ERO1A: variants seen among roughly 807,000 people sequenced by gnomAD.
ERO1A encodes the protein endoplasmic reticulum oxidoreductase 1 alpha, also known as ERO1-like protein alpha.
In ERO1A, 49 loss-of-function variants were observed where a neutral mutation model predicts 76.9. The observed-to-expected ratio is 0.64, with a 90% CI of 0.51 to 0.81. The LOEUF (loss-of-function observed/expected upper bound fraction) is 0.81. Ranked by LOEUF, ERO1A falls within the 30% of genes least tolerant of loss-of-function variation. The probability of loss-of-function intolerance (pLI) is 0.00; values close to 1 mark genes in which losing one functional copy is unlikely to be tolerated. For synonymous variants in ERO1A, 174 were observed against 181.2 expected (o/e 0.96, Z 0.32); for missense variants, 448 against 542.1 (o/e 0.83, Z 1.72).
intron 4 of ERO1A, among the ~76,000 whole-genome samples, chr14:52,675,235 T>C (rs1221961266): frequency 6.6e-6 from 1 of 151,910 alleles, no homozygotes; most frequent in Non-Finnish European, 1.5e-5. Context: ...AATACAAAAT[T>C]AGCTGGGCAT....
intron 4 of ERO1A, among the ~76,000 whole-genome samples, chr14:52,676,873 C>CT (rs1280006803): frequency 1.7e-5 from 2 of 114,550 alleles, no homozygotes; most frequent in Non-Finnish European, 3.9e-5. Context: ...CCCTATCTAC[C>CT]CCAAAAAAAA....
intron 1 of ERO1A, among the ~76,000 whole-genome samples, chr14:52,689,217 G>C (rs192306819): frequency 3.3e-5 from 5 of 152,310 alleles, no homozygotes; most frequent in Admixed American, 2.6e-4. Flanking sequence ...GCCTCCCAGA[G>C]TGCTGGGATT....
chr14:52,664,307 A>G (rs2040330351), intron 7 of ERO1A: 1 of 152,228 alleles, frequency 6.6e-6, no homozygotes, highest in Non-Finnish European at 1.5e-5. Context: ...ATCTTTAGAC[A>G]CATCAATTTG....
Position 52,658,100 on chromosome 14 carries a change from ATTTAT to A in ERO1A, c.715+19_715+23del, listed in dbSNP as rs773447036. On this transcript the variant is annotated intron_variant, in intron 10 of 15. Coordinates refer to ENST00000395686, the MANE Select transcript of ERO1A (RefSeq NM_014584.3). ...TCATGAGAAAAAAACCATCATTGAA[ATTTAT>A]TTTAAAGTTTCTAATTACCTTCTAG... is the stretch of plus-strand genomic sequence containing the variant. 9 of 1,505,684 alleles carry A rather than the reference ATTTAT, an allele frequency of 6.0e-6. No homozygotes were observed. Among genetic ancestry groups the A allele is most frequent in the Non-Finnish European group, 8.2e-6 (9 of 1,094,916 alleles). 93.3% of individuals were successfully genotyped at this position (1,505,684 alleles called of 1,614,324 possible).
In ERO1A at chr14:52,646,264, C is replaced by A; in HGVS notation, c.1236G>T (p.Leu412=). ...TCAATTTCTCAGAAAATAAGATCTT[C>A]AGAGCAGTGCCCAAACCCTGAGTCT... The part of the protein sequence containing the change: ...KLQTQGLGTA[L]KILFSEKLIA... The change falls in exon 15 of 16, where the codon CTG becomes CTT. Residue 412 remains leucine (L), a synonymous_variant. Transcript: ENST00000395686. The A allele has an allele frequency of 6.2e-7, 1 of 1,613,028 alleles. No individual in the cohort carries two copies. The highest frequency in any genetic ancestry group is 8.5e-7 in the Non-Finnish European group (1 of 1,179,738).
At chr14:52,671,397 C>T (rs2040591876) in intron 6 of ERO1A, among the ~76,000 whole-genome samples, 1 of 151,956 alleles carries the variant, frequency 6.6e-6, no homozygotes, top group Middle Eastern at 3.2e-3. Flanking sequence ...TTTTGAAGAA[C>T]CGCCAAACCG....
chr14:52,672,797 A>AAAAAAAAC (rs2040652051), intron 4 of ERO1A, among the ~76,000 whole-genome samples: 1 of 151,030 alleles, frequency 6.6e-6, no homozygotes, highest in African/African-American at 2.4e-5. Flanking sequence ...AAAAAAACAA[A>AAAAAAAAC]AAACAAACAA....
At chr14:52,643,666 T>C (rs4898762) in intron 15 of ERO1A, 36 bp from the exon 16 acceptor site, 547,839 of 1,106,580 alleles carry the variant, frequency 0.5, 139,693 homozygotes, top group Middle Eastern at 0.54. Flanking sequence ...GAAACCATCT[T>C]AGATAAATTT....
In ERO1A at chr14:52,640,731, A is replaced by ATGAT. The variant is rs1465265082; in HGVS notation, c.*2835_*2838dup. The ATGAT allele has an allele frequency of 2.6e-5, 4 of 152,226 alleles. No homozygotes were observed. The highest frequency in any genetic ancestry group is 1.9e-4 in the East Asian group (1 of 5,202). The allele number at this position is 152,226 out of a possible 1,614,324, so 9.4% of individuals were successfully genotyped here. ...AAAATCAGTAAAACTTAGACACTAA[A>ATGAT]TGATAGGGGAAGGTGGAGGAGAGGA... On this transcript the variant is annotated 3_prime_UTR_variant, in exon 16 of 16. Coordinates refer to ENST00000395686, the MANE Select transcript of ERO1A (RefSeq NM_014584.3).
intron 11 of ERO1A, among the ~76,000 whole-genome samples, chr14:52,656,949 T>G (rs1273896400): frequency 6.6e-6 from 1 of 152,022 alleles, no homozygotes; most frequent in Non-Finnish European, 1.5e-5. Flanking sequence ...CCTGTAGTCA[T>G]GAGGTAGAAG....
intron 4 of ERO1A, among the ~76,000 whole-genome samples, chr14:52,672,425 A>G (rs1210042045): frequency 1.3e-5 from 2 of 152,204 alleles, no homozygotes; most frequent in African/African-American, 2.4e-5. Context: ...ATATTTTAAG[A>G]CAAAACATCA....
intron 13 of ERO1A, among the ~76,000 whole-genome samples, chr14:52,649,863 G>T (rs541782313): frequency 8.5e-5 from 13 of 152,096 alleles, no homozygotes; most frequent in Non-Finnish European, 1.6e-4. Flanking sequence ...ATAAAATCAG[G>T]TTCTTTCATT....
intron 3 of ERO1A, among the ~76,000 whole-genome samples, chr14:52,679,691 C>A (rs2040923015): frequency 6.6e-6 from 1 of 152,068 alleles, no homozygotes; most frequent in Non-Finnish European, 1.5e-5. Flanking sequence ...AGCCACCATG[C>A]CTGGCCTTCC....
At chr14:52,681,507 GC>G in intron 3 of ERO1A, among the ~76,000 whole-genome samples, 1 of 152,194 alleles carries the variant, frequency 6.6e-6, no homozygotes, top group East Asian at 1.9e-4. Context: ...GGAGGCTGGG[GC>G]AGGAGAATCG....
chr14:52,677,838 G>A (rs923921100), intron 4 of ERO1A, among the ~76,000 whole-genome samples: 1 of 131,182 alleles, frequency 7.6e-6, no homozygotes, highest in Non-Finnish European at 1.6e-5. Context: ...ACTCCAGCCT[G>A]GACAACAGAG....
At chr14:52,650,673 AAGAG>A (rs947443715) in intron 13 of ERO1A, among the ~76,000 whole-genome samples, 5 of 152,200 alleles carry the variant, frequency 3.3e-5, no homozygotes, top group African/African-American at 1.2e-4. Flanking sequence ...GGAACTTTGT[AAGAG>A]AGAAGAGAAA....
At chr14:52,670,879 C>T (rs918565934) in intron 6 of ERO1A, among the ~76,000 whole-genome samples, 2 of 152,132 alleles carry the variant, frequency 1.3e-5, no homozygotes, top group African/African-American at 4.8e-5. Context: ...AGTTTAACCA[C>T]ATTTAAGTAT....
intron 6 of ERO1A, 56 bp downstream of exon 6, chr14:52,671,574 T>C (rs2040598312): frequency 7.8e-7 from 1 of 1,279,984 alleles, no homozygotes; most frequent in African/African-American, 1.5e-5. Flanking sequence ...AATTAAAAAC[T>C]TTTTTTTTCT....
At chr14:52,673,207 A>C (rs1049189552) in intron 4 of ERO1A, among the ~76,000 whole-genome samples, 1 of 152,040 alleles carries the variant, frequency 6.6e-6, no homozygotes, top group Non-Finnish European at 1.5e-5. Context: ...TTCCCCTCTC[A>C]GTCTCCTGAG....
Sources: gnomAD v4.1 joint callset for allele counts (sites outside exome capture counted in the v4.1 genomes callset) on GRCh38, gnomAD v4.1.1 for gene constraint, MANE v1.5 for transcripts, NCBI Gene and HGNC (gene_info 2026-07-23, HGNC 2026-07-21) for gene names.